TNFRSF21: variants seen among roughly 807,000 people sequenced by gnomAD.
The protein encoded by TNFRSF21 is TNF receptor superfamily member 21.
Under a neutral mutation model 45.6 loss-of-function variants are expected in TNFRSF21, and 19 were observed. That is an observed-to-expected ratio of 0.42 (90% CI 0.29 to 0.61). The LOEUF is 0.61. Among genes scored for constraint, TNFRSF21 ranks in the 20% least tolerant of loss-of-function variants. The pLI is 0.23. For synonymous variants in TNFRSF21, 314 were observed against 335.5 expected (o/e 0.94, Z 0.70); for missense variants, 737 against 851.5 (o/e 0.87, Z 1.67).
In TNFRSF21 at chr6:47,231,820, G is replaced by A. The variant is rs1324060348; in HGVS notation, c.*945C>T. 2 of 152,624 alleles carry A rather than the reference G, an allele frequency of 1.3e-5. No homozygotes were observed. The highest frequency in any genetic ancestry group is 1.3e-4 in the Admixed American group (2 of 15,282). 9.5% of individuals were successfully genotyped at this position (152,624 alleles called of 1,614,324 possible). On this transcript the variant is annotated 3_prime_UTR_variant, in exon 6 of 6. Coordinates refer to ENST00000296861, the MANE Select transcript of TNFRSF21 (RefSeq NM_014452.5). ...AGCAGATTGGACCTATTGATTATGT[G>A]TATATAAAAAACAAGACATCTTTTA...
intron 3 of TNFRSF21, among the ~76,000 whole-genome samples, chr6:47,276,453 A>C (rs1329068349): frequency 6.6e-6 from 1 of 152,236 alleles, no homozygotes; most frequent in African/African-American, 2.4e-5. Flanking sequence ...AAAGCCTCCA[A>C]GAATCAAACT....
At chr6:47,281,443 C>T (rs112045744) in intron 3 of TNFRSF21, among the ~76,000 whole-genome samples, 5 of 151,400 alleles carry the variant, frequency 3.3e-5, no homozygotes, top group Admixed American at 6.6e-5. Context: ...TGCAGCGGCA[C>T]GATCCTGGCT....
intron 4 of TNFRSF21, among the ~76,000 whole-genome samples, chr6:47,241,620 C>A (rs984926052): frequency 6.6e-6 from 1 of 152,082 alleles, no homozygotes; most frequent in Non-Finnish European, 1.5e-5. Context: ...CGTATACATA[C>A]ATAGATAAAG....
chr6:47,280,648 G>T (rs896815159), intron 3 of TNFRSF21, among the ~76,000 whole-genome samples: 1 of 152,114 alleles, frequency 6.6e-6, no homozygotes, highest in Non-Finnish European at 1.5e-5. Context: ...GTTTGATTTG[G>T]CACTTCCATT....
intron 1 of TNFRSF21, among the ~76,000 whole-genome samples, chr6:47,304,235 C>T (rs1197368147): frequency 6.6e-6 from 1 of 151,658 alleles, no homozygotes; most frequent in South Asian, 2.1e-4. Flanking sequence ...TTCATACCAG[C>T]CCCTGAATAG....
At chr6:47,278,775 T>C (rs553992370) in intron 3 of TNFRSF21, among the ~76,000 whole-genome samples, 5 of 152,330 alleles carry the variant, frequency 3.3e-5, no homozygotes, top group Admixed American at 2.6e-4. Flanking sequence ...CTGTAGAGGA[T>C]ACAAAACAAT....
At chr6:47,243,429 G>GT (rs1290730920) in intron 4 of TNFRSF21, among the ~76,000 whole-genome samples, 1 of 151,888 alleles carries the variant, frequency 6.6e-6, no homozygotes, top group African/African-American at 2.4e-5. Flanking sequence ...ACATACTGTT[G>GT]TTTTTTTGGT....
chr6:47,269,298 A>G (rs1165929850), intron 3 of TNFRSF21, among the ~76,000 whole-genome samples: 1 of 152,154 alleles, frequency 6.6e-6, no homozygotes, highest in Non-Finnish European at 1.5e-5. Context: ...TCCAATTTGT[A>G]AATTTTCCAA....
chr6:47,291,473 C>G (rs563085617), intron 1 of TNFRSF21, among the ~76,000 whole-genome samples: 2 of 152,066 alleles, frequency 1.3e-5, no homozygotes, highest in Non-Finnish European at 2.9e-5. Flanking sequence ...GTGGCGGATG[C>G]GGAAATGGAG....
chr6:47,289,973 G>A lies in TNFRSF21; in HGVS notation c.97-3378C>T, dbSNP rs138905905. On this transcript the variant is annotated intron_variant, in intron 1 of 5. Transcript: ENST00000296861. ...TGCGCCACTTTACTCCACCCTGGGC[G>A]ACAGAGTGAGACTCCATCTCAAAAA... 1.6e-3 allele frequency among the ~76,000 whole-genome samples: 243 copies of A among 152,104 alleles called. 1 individual carries two copies. Among genetic ancestry groups the A allele is most frequent in the Admixed American group, 6.4e-3 (97 of 15,260 alleles).
chr6:47,306,309 T>C (rs1052509477), intron 1 of TNFRSF21, among the ~76,000 whole-genome samples: 1 of 152,248 alleles, frequency 6.6e-6, no homozygotes, highest in African/African-American at 2.4e-5. Flanking sequence ...TTCTTAACTT[T>C]TCCCCAGTGA....
chr6:47,266,110 A>G (rs1258771153), intron 3 of TNFRSF21, among the ~76,000 whole-genome samples: 1 of 152,016 alleles, frequency 6.6e-6, no homozygotes, highest in Non-Finnish European at 1.5e-5. Flanking sequence ...ATGCAATTCC[A>G]CTCCTATGAT....
intron 4 of TNFRSF21, among the ~76,000 whole-genome samples, chr6:47,247,503 C>T (rs1764839562): frequency 6.6e-6 from 1 of 152,194 alleles, no homozygotes; most frequent in African/African-American, 2.4e-5. Flanking sequence ...AGTTAATGTA[C>T]AGCTGGTATT....
intron 4 of TNFRSF21, among the ~76,000 whole-genome samples, 125 bp downstream of exon 4, chr6:47,253,103 GGTGTGTGTGTGTGTGTGCAGGCGTATGC>G (rs1474467598): frequency 6.7e-6 from 1 of 149,248 alleles, no homozygotes; most frequent in African/African-American, 2.5e-5. Flanking sequence ...TAGAAGGTAG[GGTGTGTGTGTGTGTGTGCAGGCGTATGC>G]GTGTGTGTGT....
At chr6:47,289,577 CT>C (rs1762693047) in intron 1 of TNFRSF21, among the ~76,000 whole-genome samples, 1 of 152,190 alleles carries the variant, frequency 6.6e-6, no homozygotes, top group South Asian at 2.1e-4. Context: ...TCCCTTATCC[CT>C]TCTGACTTTA....
intron 4 of TNFRSF21, among the ~76,000 whole-genome samples, chr6:47,244,355 T>C (rs1764795458): frequency 6.6e-6 from 1 of 151,770 alleles, no homozygotes; most frequent in African/African-American, 2.4e-5. Context: ...GCTTCAGTAT[T>C]TCCTTCTCTG....
intron 1 of TNFRSF21, 92 bp downstream of exon 1, chr6:47,309,324 C>T: frequency 6.9e-7 from 1 of 1,450,796 alleles, no homozygotes; most frequent in Middle Eastern, 2.4e-4. Flanking sequence ...CCGCGCCTCC[C>T]TAAGCCCCGG....
rs540692869 is a variant in TNFRSF21 at position 47,244,048 on chromosome 6, G to A, written c.1510-9150C>T. 1.2e-4 allele frequency among the ~76,000 whole-genome samples: 19 copies of A among 152,306 alleles called. No individual in the cohort carries two copies. The East Asian group carries it at 2.9e-3, about 23-fold the overall frequency. The stretch of plus-strand genomic sequence containing the variant: ...TGTTTAAAAAGTCTTCAGGCTGGGC[G>A]CGGTGGCTCACACCTGTAATCCCAG... On this transcript the variant is annotated intron_variant, in intron 4 of 5. Transcript: ENST00000296861.
intron 1 of TNFRSF21, 25 bp downstream of exon 1, chr6:47,309,391 A>AC (rs1561955981): frequency 6.6e-7 from 1 of 1,519,672 alleles, no homozygotes. Flanking sequence ...CGCCGCCGCC[A>AC]CCCCCGGTCC....
Sources: allele counts gnomAD v4.1 joint callset (sites outside exome capture counted in the v4.1 genomes callset), GRCh38; gene constraint gnomAD v4.1.1; transcripts MANE v1.5; gene names NCBI Gene and HGNC (gene_info 2026-07-23, HGNC 2026-07-21).